Variants in DSCAM observed in about 807,000 individuals in gnomAD.
DSCAM encodes the protein DS cell adhesion molecule, also known as cell adhesion molecule DSCAM.
DSCAM carries 47 observed loss-of-function variants against 217.7 expected under a neutral mutation model. That is an observed-to-expected ratio of 0.22 (90% confidence interval 0.17 to 0.28). The LOEUF (loss-of-function observed/expected upper bound fraction) is 0.28. Among genes scored for constraint, DSCAM ranks in the 10% least tolerant of loss-of-function variants. The pLI, the probability that DSCAM is intolerant of heterozygous loss-of-function variation, is 1.00. For synonymous variants in DSCAM, 1,056 were observed against 1,015.3 expected (o/e 1.04, Z -0.76); for missense variants, 2,080 against 2,618.3 (o/e 0.79, Z 4.49).
chr21:40,511,990 CAAA>C lies in DSCAM; in HGVS notation c.509-142748_509-142746del, dbSNP rs780829574. Among the ~76,000 whole-genome samples the C allele has an allele frequency of 1.4e-3, 37 of 26,796 alleles. 1 individual carries two copies. In the South Asian group the frequency reaches 0.049, roughly 36 times the overall value. The allele number at this position is 26,796 out of a possible 152,430, so 17.6% of individuals were successfully genotyped here. A position where few individuals can be genotyped will look rare whatever the true frequency, so the allele number is the denominator to read the frequency against. On this transcript the variant is annotated intron_variant, in intron 3 of 32. Coordinates refer to ENST00000400454, the MANE Select transcript of DSCAM (RefSeq NM_001389.5). The stretch of plus-strand genomic sequence containing the variant: ...TGGGCGACAGAGTGAGACTCTGTCT[CAAA>C]AAAAAAAAAAAAAAAAAGTATTCTA...
chr21:40,370,028 G>A lies in DSCAM; in HGVS notation c.509-783C>T, dbSNP rs116662231. 6.1e-3 allele frequency among the ~76,000 whole-genome samples: 930 copies of A among 152,208 alleles called. 13 individuals are homozygous for A. The highest frequency in any genetic ancestry group is 0.021 in the African/African-American group (878 of 41,512). ...GTAACCTCTAATTTTTACCGGTAAAGCTTCAGTTGAACAGAAAGGGCCAAC... is the reference window on the plus strand; with the variant it reads ...GTAACCTCTAATTTTTACCGGTAAAACTTCAGTTGAACAGAAAGGGCCAAC... On this transcript the variant is annotated intron_variant, in intron 3 of 32. Coordinates refer to ENST00000400454, the MANE Select transcript of DSCAM (RefSeq NM_001389.5).
chr21:40,159,019 GTT>G (rs139414403), intron 16 of DSCAM, among the ~76,000 whole-genome samples: 3,567 of 152,302 alleles, frequency 0.023, 74 homozygotes, highest in East Asian at 0.057. Flanking sequence ...CACACATTGT[GTT>G]TTTCTGTCTT....
chr21:40,120,246 C>T (rs2090018516), intron 20 of DSCAM, among the ~76,000 whole-genome samples: 1 of 152,190 alleles, frequency 6.6e-6, no homozygotes, highest in East Asian at 1.9e-4. Context: ...CTGGAATAAC[C>T]AATGTGAATC....
intron 4 of DSCAM, among the ~76,000 whole-genome samples, chr21:40,362,325 A>G (rs1488236202): frequency 6.6e-6 from 1 of 152,180 alleles, no homozygotes; most frequent in Non-Finnish European, 1.5e-5. Flanking sequence ...TACCATGCTG[A>G]ATTTGCTTGT....
intron 1 of DSCAM, among the ~76,000 whole-genome samples, chr21:40,841,949 C>G (rs940002934): frequency 6.6e-6 from 1 of 152,234 alleles, no homozygotes; most frequent in African/African-American, 2.4e-5. Flanking sequence ...TGCCTTTGCC[C>G]GGTTCCTGTT....
intron 3 of DSCAM, among the ~76,000 whole-genome samples, chr21:40,456,104 G>GAA (rs1490955195): frequency 6.6e-6 from 1 of 151,188 alleles, no homozygotes; most frequent in Non-Finnish European, 1.5e-5. Context: ...TAAAAGAAAA[G>GAA]AAAAAGAAAA....
chr21:40,360,277 C>T (rs753963092), intron 4 of DSCAM, among the ~76,000 whole-genome samples: 3 of 151,674 alleles, frequency 2.0e-5, no homozygotes, highest in African/African-American at 4.8e-5. Context: ...GGACTACAGG[C>T]GCCTACCACC....
intron 3 of DSCAM, among the ~76,000 whole-genome samples, chr21:40,471,691 C>T (rs531890935): frequency 5.3e-5 from 8 of 152,312 alleles, no homozygotes; most frequent in South Asian, 2.1e-4. Context: ...CACACTCCTA[C>T]GCAGCTATTA....
intron 16 of DSCAM, among the ~76,000 whole-genome samples, chr21:40,145,518 C>T (rs2837454): frequency 0.47 from 71,860 of 151,926 alleles, 19,621 homozygotes; most frequent in South Asian, 0.62. Context: ...TAGGCTGATG[C>T]GTAGGACTCA....
At chr21:40,082,568 G>A (rs955670878) in intron 24 of DSCAM, among the ~76,000 whole-genome samples, 6 of 152,022 alleles carry the variant, frequency 3.9e-5, no homozygotes, top group Admixed American at 1.3e-4. Context: ...GCAATGACTC[G>A]GTTCATCTAT....
At chr21:40,492,005 G>T (rs2076079773) in intron 3 of DSCAM, among the ~76,000 whole-genome samples, 1 of 151,932 alleles carries the variant, frequency 6.6e-6, no homozygotes, top group Non-Finnish European at 1.5e-5. Context: ...TCCCACAACA[G>T]AAATCCCATA....
intron 3 of DSCAM, among the ~76,000 whole-genome samples, chr21:40,406,939 C>G (rs1327023584): frequency 6.6e-6 from 1 of 152,062 alleles, no homozygotes; most frequent in Non-Finnish European, 1.5e-5. Flanking sequence ...AATCTAAAAA[C>G]TTGAACTCAT....
chr21:40,753,001 C>T (rs1232565078), intron 1 of DSCAM, among the ~76,000 whole-genome samples: 4 of 152,150 alleles, frequency 2.6e-5, no homozygotes, highest in East Asian at 1.9e-4. Flanking sequence ...GTGGCCTGCA[C>T]CTGAATCTAC....
chr21:40,356,887 G>T (rs984007697), intron 4 of DSCAM, among the ~76,000 whole-genome samples: 2 of 152,182 alleles, frequency 1.3e-5, no homozygotes, highest in African/African-American at 4.8e-5. Flanking sequence ...AGGCACTGTT[G>T]AAAATAGAAC....
At chr21:40,845,540 C>CTCTCTCT (rs1555894716) in intron 1 of DSCAM, among the ~76,000 whole-genome samples, 1 of 138,888 alleles carries the variant, frequency 7.2e-6, no homozygotes. Flanking sequence ...CTCTTCTTCT[C>CTCTCTCT]CTCTCTCTCT....
chr21:40,322,584 G>T (rs528547736), intron 8 of DSCAM, among the ~76,000 whole-genome samples: 30 of 151,944 alleles, frequency 2.0e-4, no homozygotes, highest in Non-Finnish European at 4.1e-4. Context: ...GAGTGCAGTG[G>T]CATGATCTCG....
intron 3 of DSCAM, among the ~76,000 whole-genome samples, chr21:40,667,115 C>T (rs995164890): frequency 1.3e-5 from 2 of 152,216 alleles, no homozygotes; most frequent in Non-Finnish European, 2.9e-5. Context: ...TCCTTTGTCC[C>T]CAACATGCAC....
chr21:40,668,815 C>A (rs1267574400), intron 3 of DSCAM, among the ~76,000 whole-genome samples: 1 of 152,050 alleles, frequency 6.6e-6, no homozygotes, highest in African/African-American at 2.4e-5. Flanking sequence ...TCACTCCAGA[C>A]CACCCAGAGA....
At chr21:40,577,466 G>A (rs1047238509) in intron 3 of DSCAM, among the ~76,000 whole-genome samples, 23 of 151,952 alleles carry the variant, frequency 1.5e-4, no homozygotes, top group Non-Finnish European at 2.9e-4. Context: ...GCCCCCCTCC[G>A]AGCCGGCTGT....
Sources: allele counts gnomAD v4.1 joint callset (sites outside exome capture counted in the v4.1 genomes callset), GRCh38; gene constraint gnomAD v4.1.1; transcripts MANE v1.5; gene names NCBI Gene and HGNC (gene_info 2026-07-23, HGNC 2026-07-21).